The following KHDRBS3 variants were observed in gnomAD, a reference collection of about 807,000 sequenced individuals.
KHDRBS3 encodes the protein KH RNA binding domain containing, signal transduction associated 3.
In KHDRBS3, 23 loss-of-function variants were observed where a neutral mutation model predicts 45.6. The observed-to-expected ratio is 0.50, with a 90% CI of 0.36 to 0.72. The LOEUF (loss-of-function observed/expected upper bound fraction) is 0.72, where lower values mean the gene tolerates loss of function less well. Ranked by LOEUF, KHDRBS3 falls within the 30% of genes least tolerant of loss-of-function variation. The pLI is 0.00. For synonymous variants in KHDRBS3, 162 were observed against 156.5 expected (o/e 1.04, Z -0.26); for missense variants, 352 against 424.8 (o/e 0.83, Z 1.51).
chr8:135,604,794 C>T (rs1026559307), intron 6 of KHDRBS3, among the ~76,000 whole-genome samples: 1 of 151,412 alleles, frequency 6.6e-6, no homozygotes, highest in African/African-American at 2.4e-5. Flanking sequence ...CTTATACTAT[C>T]TTTTATATTT....
intron 6 of KHDRBS3, among the ~76,000 whole-genome samples, chr8:135,594,923 G>A (rs954282792): frequency 1.3e-5 from 2 of 152,156 alleles, no homozygotes; most frequent in African/African-American, 2.4e-5. Flanking sequence ...ACTGGAAGAC[G>A]TGTGTAAGAA....
rs112444515 is a variant in KHDRBS3 at position 135,517,401 on chromosome 8, C to T, written c.89-3836C>T. ...TCTTGGTGGATCTCAAGCATCTTTC[C>T]TCCCTCGGGGAAGATGAGAGCGGTA... On this transcript the variant is annotated intron_variant, in intron 1 of 8. Transcript: ENST00000355849. 4.1e-3 allele frequency among the ~76,000 whole-genome samples: 626 copies of T among 152,208 alleles called. 11 individuals are homozygous for T. The highest frequency in any genetic ancestry group is 0.014 in the African/African-American group (568 of 41,540).
intron 6 of KHDRBS3, among the ~76,000 whole-genome samples, chr8:135,590,622 G>T (rs1318010584): frequency 1.3e-5 from 2 of 152,158 alleles, no homozygotes; most frequent in Admixed American, 1.3e-4. Context: ...TGAAAAGTAA[G>T]TTACAGAATA....
chr8:135,618,294 AAGG>A (rs1331986742), intron 7 of KHDRBS3, among the ~76,000 whole-genome samples: 2 of 152,182 alleles, frequency 1.3e-5, no homozygotes, highest in Admixed American at 1.3e-4. Context: ...GAGTTCTGGG[AAGG>A]AGGAGGTTAG....
In KHDRBS3 at chr8:135,582,091, A is replaced by G; in HGVS notation, c.807+18A>G. 6.6e-7 allele frequency: 1 copy of G among 1,513,238 alleles called. No homozygotes were observed. The highest frequency in any genetic ancestry group is 1.3e-5 in the South Asian group (1 of 74,166). 93.7% of individuals were successfully genotyped at this position (1,513,238 alleles called of 1,614,324 possible). On this transcript the variant is annotated intron_variant, in intron 6 of 8. Transcript: ENST00000355849. The stretch of plus-strand genomic sequence containing the variant: ...GAGAATATGTAAGTGAAGGTGTCAG[A>G]CAACAGCCTTGTTCATCAGATTGAC...
intron 7 of KHDRBS3, among the ~76,000 whole-genome samples, chr8:135,639,690 C>T (rs572561751): frequency 8.5e-5 from 13 of 152,314 alleles, no homozygotes; most frequent in African/African-American, 3.1e-4. Flanking sequence ...GCAGGCTGTA[C>T]AGGGCCTCAG....
At chr8:135,631,135 C>T (rs2131138365) in intron 7 of KHDRBS3, among the ~76,000 whole-genome samples, 1 of 150,258 alleles carries the variant, frequency 6.7e-6, no homozygotes, top group South Asian at 2.1e-4. Context: ...CCTGTAATCC[C>T]AACTACACAG....
At chr8:135,492,807 T>A (rs1198693489) in intron 1 of KHDRBS3, among the ~76,000 whole-genome samples, 1 of 152,116 alleles carries the variant, frequency 6.6e-6, no homozygotes, top group Admixed American at 6.6e-5. Context: ...CAAGATCCTT[T>A]TGCACATGTA....
At chr8:135,570,818 G>A (rs1164794609) in intron 5 of KHDRBS3, among the ~76,000 whole-genome samples, 1 of 152,012 alleles carries the variant, frequency 6.6e-6, no homozygotes, top group Non-Finnish European at 1.5e-5. Context: ...TTTTCTTGCT[G>A]TAAGGTCCAC....
Position 135,507,487 on chromosome 8 carries a change from T to C in KHDRBS3, c.89-13750T>C, listed in dbSNP as rs370680909. On this transcript the variant is annotated intron_variant, in intron 1 of 8. Coordinates refer to ENST00000355849, the MANE Select transcript of KHDRBS3 (RefSeq NM_006558.3). ...TGCGTAATTTTTTAACTAAACACTT[T>C]ATGGTCGAAGGACAAAATGAAAACA... is the stretch of plus-strand genomic sequence containing the variant. Among the ~76,000 whole-genome samples the C allele has an allele frequency of 2.1e-4, 32 of 152,346 alleles. No individual in the cohort carries two copies. The East Asian group carries it at 4.8e-3, about 23-fold the overall frequency.
chr8:135,513,782 T>C (rs750967372), intron 1 of KHDRBS3, among the ~76,000 whole-genome samples: 1 of 152,192 alleles, frequency 6.6e-6, no homozygotes, highest in African/African-American at 2.4e-5. Flanking sequence ...GGTATAACCA[T>C]GCAGGACCTT....
chr8:135,521,445 G>C (rs906558098), intron 2 of KHDRBS3, 90 bp downstream of exon 2: 2 of 740,420 alleles, frequency 2.7e-6, no homozygotes, highest in Non-Finnish European at 2.3e-6. Flanking sequence ...TGTTTTTAGA[G>C]ATGTTTTCTC....
intron 2 of KHDRBS3, 27 bp from the exon 3 acceptor site, chr8:135,542,627 A>C: frequency 4.8e-4 from 612 of 1,271,994 alleles, no homozygotes; most frequent in Non-Finnish European, 6.5e-4. Context: ...TATAAATGCT[A>C]CAAATTTGGT....
chr8:135,601,303 T>G (rs932430191), intron 6 of KHDRBS3, among the ~76,000 whole-genome samples: 6 of 152,120 alleles, frequency 3.9e-5, no homozygotes, highest in African/African-American at 1.4e-4. Context: ...GAAAGGTAGG[T>G]GAAGCAAAAA....
At chr8:135,470,130 C>T (rs1307418729) in intron 1 of KHDRBS3, among the ~76,000 whole-genome samples, 1 of 152,106 alleles carries the variant, frequency 6.6e-6, no homozygotes, top group Non-Finnish European at 1.5e-5. Context: ...TCTGCTTGCT[C>T]CTTTCTCTAG....
chr8:135,463,313 TC>T (rs1821526450), intron 1 of KHDRBS3, among the ~76,000 whole-genome samples: 1 of 152,164 alleles, frequency 6.6e-6, no homozygotes. Context: ...AATTTAGCAG[TC>T]AGTAAAGAGC....
intron 1 of KHDRBS3, among the ~76,000 whole-genome samples, chr8:135,470,837 C>T (rs897586996): frequency 3.9e-5 from 6 of 152,090 alleles, no homozygotes; most frequent in South Asian, 2.1e-4. Flanking sequence ...CTGCTTGCCT[C>T]GGCCTCTGAA....
At chr8:135,561,480 C>G (rs1228937805) in intron 5 of KHDRBS3, among the ~76,000 whole-genome samples, 1 of 151,910 alleles carries the variant, frequency 6.6e-6, no homozygotes, top group Non-Finnish European at 1.5e-5. Context: ...CTTTCATAAT[C>G]CAAACCTCTC....
chr8:135,646,896 C>T (rs960595221), intron 8 of KHDRBS3, 97 bp from the exon 9 acceptor site: 2 of 720,146 alleles, frequency 2.8e-6, no homozygotes, highest in African/African-American at 3.5e-5. Flanking sequence ...TTCAATATGA[C>T]ATGTACCTTT....
Sources: gnomAD v4.1 joint callset for allele counts (sites outside exome capture counted in the v4.1 genomes callset) on GRCh38, gnomAD v4.1.1 for gene constraint, MANE v1.5 for transcripts, NCBI Gene and HGNC (gene_info 2026-07-23, HGNC 2026-07-21) for gene names.